Variants in ZNF568 observed in about 807,000 individuals in gnomAD.
ZNF568 encodes the protein zinc finger protein 568, also known as p53 inhibitor of SCO2 activation.
Under a neutral mutation model 18.1 loss-of-function variants are expected in ZNF568, and 11 were observed. The ratio of observed to expected loss-of-function variants is 0.61; its 90% CI spans 0.38 to 1.00. The LOEUF is 1.00. Among genes scored for constraint, ZNF568 ranks in the 50% least tolerant of loss-of-function variants. The pLI is 0.01. For missense variants in ZNF568, 639 were observed against 768.2 expected (o/e 0.83, Z 1.99); for synonymous variants, 213 against 246.6 (o/e 0.86, Z 1.28).
At chr19:36,983,962 G>A (rs1245379096), downstream of ZNF568, among the ~76,000 whole-genome samples, 4 of 148,126 alleles carry the variant, frequency 2.7e-5, no homozygotes, top group Non-Finnish European at 3.0e-5. Flanking sequence ...GCAGTGGTGC[G>A]ATCCCGGCTC....
chr19:36,988,363 A>G (rs559316904), intron 2 of ZNF568, among the ~76,000 whole-genome samples: 3 of 152,276 alleles, frequency 2.0e-5, no homozygotes, highest in African/African-American at 7.2e-5. Flanking sequence ...AAGAGGTTTA[A>G]TTGGCTCACA....
At chr19:36,930,825 A>G (rs978027218) in intron 4 of ZNF568, among the ~76,000 whole-genome samples, 4 of 152,350 alleles carry the variant, frequency 2.6e-5, no homozygotes, top group African/African-American at 9.6e-5. Flanking sequence ...TAACACAATT[A>G]GTAAATTTTG....
At position 36,949,713 on chromosome 19, in the gene ZNF568, A is replaced by T; in HGVS notation, c.560A>T (p.His187Leu). The change falls in exon 7 of 7, where the codon CAT (histidine) becomes CTT (leucine). Residue 187 changes from histidine to leucine, a missense_variant. Transcript: ENST00000333987. ...GACTCACTTGATAAGGGTTTGGAAC[A>T]TAATTTAGACTTACTTAGATATGAG... ...DCDSLDKGLE[H>L]NLDLLRYEKG... is the part of the protein sequence containing the mutation. 6 of 1,613,924 alleles carry T rather than the reference A, an allele frequency of 3.7e-6. No homozygotes were observed. Among genetic ancestry groups the T allele is most frequent in the Non-Finnish European group, 5.1e-6 (6 of 1,179,868 alleles).
At chr19:36,961,665 A>G (rs1164780074) in intron 6 of ZNF568, among the ~76,000 whole-genome samples, 1 of 152,060 alleles carries the variant, frequency 6.6e-6, no homozygotes, top group Non-Finnish European at 1.5e-5. Context: ...TTAGGATTAC[A>G]GGCATGCGCT....
At chr19:36,969,349 G>C (rs2074218999) in intron 6 of ZNF568, among the ~76,000 whole-genome samples, 1 of 152,194 alleles carries the variant, frequency 6.6e-6, no homozygotes, top group Admixed American at 6.5e-5. Context: ...AGTTTCAGGA[G>C]AAGGAATGCA....
intron 4 of ZNF568, among the ~76,000 whole-genome samples, chr19:36,933,898 GGTTTTTTTTTT>G (rs2073732867): frequency 3.9e-5 from 1 of 25,776 alleles, no homozygotes; most frequent in Admixed American, 3.8e-4. Context: ...CTTTTGGGTA[GGTTTTTTTTTT>G]TGTTTTGTTT....
chr19:36,961,895 TG>T (rs1206874038), intron 6 of ZNF568, among the ~76,000 whole-genome samples: 1 of 90,932 alleles, frequency 1.1e-5, no homozygotes, highest in Admixed American at 1.1e-4. Flanking sequence ...TTTTTTTTTT[TG>T]AGACTTCTGG....
At chr19:36,939,532 C>A in intron 6 of ZNF568, among the ~76,000 whole-genome samples, 2 of 93,068 alleles carry the variant, frequency 2.1e-5, no homozygotes. Context: ...TATTTTCTTT[C>A]TTTTTTTTTT....
At chr19:36,956,647 G>A (rs1269882972), downstream of ZNF568, among the ~76,000 whole-genome samples, 2 of 151,744 alleles carry the variant, frequency 1.3e-5, no homozygotes, top group Non-Finnish European at 2.9e-5. Flanking sequence ...GCCCAGGCTG[G>A]AGTATGTGAT....
chr19:36,994,939 C>T (rs988432815), intron 4 of ZNF568, among the ~76,000 whole-genome samples: 7 of 152,180 alleles, frequency 4.6e-5, no homozygotes, highest in East Asian at 1.9e-4. Flanking sequence ...CGTGACCCAC[C>T]GCGCCCGGCC....
intron 2 of ZNF568, among the ~76,000 whole-genome samples, chr19:36,985,467 CTT>C (rs1245170058): frequency 6.6e-6 from 1 of 152,024 alleles, no homozygotes; most frequent in Non-Finnish European, 1.5e-5. Flanking sequence ...TTTCCTGACT[CTT>C]TGTTCATGGA....
At chr19:36,930,241 G>A (rs1351964630) in intron 4 of ZNF568, among the ~76,000 whole-genome samples, 5 of 140,838 alleles carry the variant, frequency 3.6e-5, no homozygotes, top group Admixed American at 3.0e-4. Context: ...ACAGAGTCTC[G>A]CTCTGTCGCC....
downstream of ZNF568, among the ~76,000 whole-genome samples, chr19:36,953,292 T>G (rs1158371733): frequency 6.6e-6 from 1 of 152,266 alleles, no homozygotes; most frequent in Non-Finnish European, 1.5e-5. Context: ...GCATAGGCAT[T>G]AATATCATTG....
intron 4 of ZNF568, among the ~76,000 whole-genome samples, chr19:36,935,288 T>C (rs548697202): frequency 7.2e-5 from 11 of 152,152 alleles, no homozygotes; most frequent in African/African-American, 2.6e-4. Context: ...TGGGCTGGGT[T>C]CGGGGGCTCA....
At chr19:36,990,917 T>G in intron 2 of ZNF568, 1 of 325,760 alleles carries the variant, frequency 3.1e-6, no homozygotes, top group Non-Finnish European at 5.6e-6. Flanking sequence ...TACATGGACT[T>G]AGTTTATTCT....
downstream of ZNF568, among the ~76,000 whole-genome samples, chr19:36,952,987 C>T (rs1439852420): frequency 6.6e-6 from 1 of 152,120 alleles, no homozygotes; most frequent in Non-Finnish European, 1.5e-5. Context: ...AAATTGGACT[C>T]CTTTCAACTG....
At chr19:36,968,584 T>A (rs2074212457) in intron 6 of ZNF568, among the ~76,000 whole-genome samples, 1 of 150,980 alleles carries the variant, frequency 6.6e-6, no homozygotes, top group African/African-American at 2.4e-5. Flanking sequence ...TGCATATGAT[T>A]GTTAAAAAAG....
chr19:36,986,404 A>G (rs1697222602), intron 2 of ZNF568, among the ~76,000 whole-genome samples: 1 of 152,108 alleles, frequency 6.6e-6, no homozygotes. Context: ...TCTGGGCTCC[A>G]TAGACATTCC....
In ZNF568 at chr19:36,952,512, A is replaced by C. The variant is rs2074074843; in HGVS notation, c.*1424A>C. On this transcript the variant is annotated 3_prime_UTR_variant, in exon 7 of 7. Coordinates refer to ENST00000333987, the MANE Select transcript of ZNF568 (RefSeq NM_198539.4). ...AATAATATTTATGTAAATTGGAATG[A>C]AATCATTTATAAAGAACAACTGTTT... 1 of 152,352 alleles carries C rather than the reference A, an allele frequency of 6.6e-6. No individual in the cohort carries two copies. The highest frequency in any genetic ancestry group is 2.1e-4 in the South Asian group (1 of 4,834). The allele number at this position is 152,352 out of a possible 1,614,324, so 9.4% of individuals were successfully genotyped here. A position where few individuals can be genotyped will look rare whatever the true frequency, so the allele number is the denominator to read the frequency against.
Sources: gnomAD v4.1 joint callset for allele counts (sites outside exome capture counted in the v4.1 genomes callset) on GRCh38, gnomAD v4.1.1 for gene constraint, MANE v1.5 for transcripts, NCBI Gene and HGNC (gene_info 2026-07-23, HGNC 2026-07-21) for gene names.